TMEM132C: variants seen among roughly 807,000 people sequenced by gnomAD.
TMEM132C encodes the protein transmembrane protein 132C.
In TMEM132C, 29 loss-of-function variants were observed where a neutral mutation model predicts 61.4. That is an observed-to-expected ratio of 0.47 (90% CI 0.35 to 0.64). TMEM132C has a LOEUF of 0.64. TMEM132C is among the 30% of genes least tolerant of loss of function. The pLI, the probability that TMEM132C is intolerant of heterozygous loss-of-function variation, is 0.00. For synonymous variants in TMEM132C, 656 were observed against 633.1 expected (o/e 1.04, Z -0.54); for missense variants, 1,408 against 1,476.9 (o/e 0.95, Z 0.76).
intron 6 of TMEM132C, among the ~76,000 whole-genome samples, 190 bp downstream of exon 6, chr12:128,694,224 C>T (rs915717484): frequency 6.6e-6 from 1 of 152,164 alleles, no homozygotes; most frequent in African/African-American, 2.4e-5. Flanking sequence ...CCAGGTTGTC[C>T]GCACTCTACA....
At position 128,414,906 on chromosome 12, in the gene TMEM132C, A is replaced by G. The variant is rs746276633; in HGVS notation, c.260A>G (p.Tyr87Cys). 28 of 1,551,620 alleles carry G rather than the reference A, an allele frequency of 1.8e-5. No homozygotes were observed. The African/African-American group carries it at 3.4e-4, about 19-fold the overall frequency. Residue 87 changes from tyrosine (Y) to cysteine (C), a missense_variant, in exon 2 of 9, where the codon TAC (tyrosine) becomes TGC (cysteine). Transcript: ENST00000435159. Reference protein sequence around the residue: ...LQARVESFFTYKTRQPPVLNA... With the variant: ...LQARVESFFTCKTRQPPVLNA... ...GCGAGGGTGGAGTCCTTCTTTACCTACAAAACCAGGCAGCCCCCAGTGCTC... is the reference window on the plus strand; with the variant it reads ...GCGAGGGTGGAGTCCTTCTTTACCTGCAAAACCAGGCAGCCCCCAGTGCTC...
intron 1 of TMEM132C, among the ~76,000 whole-genome samples, chr12:128,323,601 T>G (rs1167948013): frequency 6.6e-6 from 1 of 152,206 alleles, no homozygotes; most frequent in African/African-American, 2.4e-5. Context: ...TACTGATAGA[T>G]GCACCTCTGT....
At chr12:128,384,101 G>C (rs1469426180) in intron 1 of TMEM132C, among the ~76,000 whole-genome samples, 1 of 152,204 alleles carries the variant, frequency 6.6e-6, no homozygotes, top group African/African-American at 2.4e-5. Context: ...AGGTGGTCAG[G>C]TTCCAGAAAA....
At chr12:128,391,300 C>T (rs1297049716) in intron 1 of TMEM132C, among the ~76,000 whole-genome samples, 4 of 152,188 alleles carry the variant, frequency 2.6e-5, no homozygotes, top group South Asian at 2.1e-4. Flanking sequence ...ATCATTTTTC[C>T]GACAACTTAC....
At position 128,643,864 on chromosome 12, in the gene TMEM132C, A is replaced by C. The variant is rs945256400; in HGVS notation, c.1306-25553A>C. The stretch of plus-strand genomic sequence containing the variant: ...TTCAAATTTTCCAACATAAAGATTA[A>C]GTATGATGTTACAGTAATGGCTCGA... On this transcript the variant is annotated intron_variant, in intron 4 of 8. Coordinates refer to ENST00000435159, the MANE Select transcript of TMEM132C (RefSeq NM_001136103.3). Among the ~76,000 whole-genome samples, 14 of 152,278 alleles carry C rather than the reference A, an allele frequency of 9.2e-5. No individual in the cohort carries two copies. The East Asian group carries it at 2.5e-3, about 27-fold the overall frequency.
intron 3 of TMEM132C, among the ~76,000 whole-genome samples, chr12:128,553,934 C>T (rs1244891133): frequency 6.6e-6 from 1 of 152,204 alleles, no homozygotes; most frequent in Non-Finnish European, 1.5e-5. Flanking sequence ...CCTCCAGTCC[C>T]TCCTTGTTGC....
At chr12:128,650,304 C>T (rs1247426150) in intron 4 of TMEM132C, among the ~76,000 whole-genome samples, 1 of 152,174 alleles carries the variant, frequency 6.6e-6, no homozygotes, top group Non-Finnish European at 1.5e-5. Flanking sequence ...TGTATTCTGA[C>T]TGCTATATTC....
intron 2 of TMEM132C, among the ~76,000 whole-genome samples, chr12:128,486,911 ACACACACACAG>A (rs1224500930): frequency 1.9e-4 from 23 of 118,026 alleles, no homozygotes; most frequent in African/African-American, 7.1e-4. Flanking sequence ...ACACACACAC[ACACACACACAG>A]CTCAGCACTT....
intron 2 of TMEM132C, among the ~76,000 whole-genome samples, chr12:128,469,856 A>AT (rs1374792053): frequency 1.3e-5 from 2 of 152,130 alleles, no homozygotes; most frequent in African/African-American, 2.4e-5. Flanking sequence ...CTGTGTGTAT[A>AT]TACACACACC....
chr12:128,494,447 G>A (rs1157916640), intron 2 of TMEM132C, among the ~76,000 whole-genome samples: 2 of 152,140 alleles, frequency 1.3e-5, no homozygotes, highest in African/African-American at 4.8e-5. Flanking sequence ...TGTACCTCTG[G>A]TAGAATTCTG....
chr12:128,583,968 G>A (rs911891097), intron 3 of TMEM132C, among the ~76,000 whole-genome samples: 4 of 152,208 alleles, frequency 2.6e-5, no homozygotes, highest in Admixed American at 6.5e-5. Context: ...AGACCTAACC[G>A]AGCATTTCTG....
chr12:128,682,209 G>A (rs1954641113), intron 5 of TMEM132C, among the ~76,000 whole-genome samples: 1 of 152,144 alleles, frequency 6.6e-6, no homozygotes, highest in Admixed American at 6.5e-5. Context: ...CACAGGAGTG[G>A]GGCAAGGGAA....
At chr12:128,562,851 C>G (rs771132394) in intron 3 of TMEM132C, among the ~76,000 whole-genome samples, 1 of 152,202 alleles carries the variant, frequency 6.6e-6, no homozygotes, top group Non-Finnish European at 1.5e-5. Context: ...TGTTTGAGTT[C>G]TTGTAGCAGC....
At chr12:128,700,443 G>A (rs1190832957) in intron 8 of TMEM132C, among the ~76,000 whole-genome samples, 1 of 152,126 alleles carries the variant, frequency 6.6e-6, no homozygotes, top group Non-Finnish European at 1.5e-5. Context: ...GGTGTTCTGA[G>A]GCTTTAATTC....
At chr12:128,288,138 G>T (rs1322392349) in intron 1 of TMEM132C, 1 of 149,984 alleles carries the variant, frequency 6.7e-6, no homozygotes, top group African/African-American at 2.5e-5. Flanking sequence ...GGCTCACCGC[G>T]ACCTCTGCCT....
At chr12:128,681,237 C>A (rs1954631967) in intron 5 of TMEM132C, among the ~76,000 whole-genome samples, 2 of 152,140 alleles carry the variant, frequency 1.3e-5, no homozygotes, top group South Asian at 2.1e-4. Flanking sequence ...ACCTTGGCCT[C>A]CCAAAGTGCT....
intron 1 of TMEM132C, among the ~76,000 whole-genome samples, chr12:128,406,916 C>T (rs1875368428): frequency 6.6e-6 from 1 of 152,192 alleles, no homozygotes; most frequent in African/African-American, 2.4e-5. Context: ...TCTTGGGCAA[C>T]ATTACTTACC....
intron 2 of TMEM132C, among the ~76,000 whole-genome samples, chr12:128,422,776 T>G (rs750394592): frequency 3.9e-5 from 6 of 152,196 alleles, no homozygotes; most frequent in Non-Finnish European, 7.4e-5. Context: ...CCCTGGACTC[T>G]ACTCAGTAGA....
chr12:128,703,115 G>A (rs980477942), intron 8 of TMEM132C, among the ~76,000 whole-genome samples: 4 of 152,128 alleles, frequency 2.6e-5, no homozygotes, highest in Non-Finnish European at 5.9e-5. Context: ...TCTTCCTAAC[G>A]ATATGACTGG....
Sources: allele counts gnomAD v4.1 joint callset (sites outside exome capture counted in the v4.1 genomes callset), GRCh38; gene constraint gnomAD v4.1.1; transcripts MANE v1.5; gene names NCBI Gene and HGNC (gene_info 2026-07-23, HGNC 2026-07-21).